Variants in ACTR3 observed in about 807,000 individuals in gnomAD.
The protein encoded by ACTR3 is actin related protein 3, also known as actin-related protein 3.
ACTR3 carries 12 observed loss-of-function variants against 56.8 expected under a neutral mutation model. That is an observed-to-expected ratio of 0.21 (90% CI 0.14 to 0.34). The LOEUF is 0.34. ACTR3 is among the 10% of genes least tolerant of loss of function. The pLI is 1.00. For missense variants in ACTR3, 282 were observed against 512.5 expected (o/e 0.55, Z 4.34); for synonymous variants, 162 against 167.4 (o/e 0.97, Z 0.25).
chr2:113,898,725 A>T lies in ACTR3; in HGVS notation c.44+8402A>T, dbSNP rs191205312. On this transcript the variant is annotated intron_variant, in intron 1 of 11. Coordinates refer to ENST00000263238, the MANE Select transcript of ACTR3 (RefSeq NM_005721.5). ...TAAAATGAATGCTCTCTTTAAAAAA[A>T]TTTTTCTTTATGGTTTCAGAGATTT... 8.6e-3 allele frequency among the ~76,000 whole-genome samples: 1,308 copies of T among 152,258 alleles called. 14 individuals carry two copies. The highest frequency in any genetic ancestry group is 0.014 in the Middle Eastern group (4 of 294).
At chr2:113,953,966 C>T (rs1440892454) in intron 10 of ACTR3, 1 of 152,166 alleles carries the variant, frequency 6.6e-6, no homozygotes, top group African/African-American at 2.4e-5. Flanking sequence ...CTGTTACATA[C>T]TCAATGTTTT....
At position 113,890,320 on chromosome 2, in the gene ACTR3, C is replaced by T; in HGVS notation, c.41C>T (p.Thr14Met). The change falls in exon 1 of 12, where the codon ACG (threonine) becomes ATG (methionine). Residue 14 changes from threonine to methionine, a missense_variant. Coordinates refer to ENST00000263238, the MANE Select transcript of ACTR3 (RefSeq NM_005721.5). ...RLPACVVDCG[T>M]GYTKLGYAGN... ...CCGGCCTGTGTGGTGGACTGTGGCA[C>T]GGGGTAAGGGGGCTTACGGGCGGGG... is the stretch of plus-strand genomic sequence containing the variant. 1 of 390,966 alleles carries T rather than the reference C, an allele frequency of 2.6e-6. No homozygotes were observed. The highest frequency in any genetic ancestry group is 4.2e-6 in the Non-Finnish European group (1 of 239,056). The allele number at this position is 390,966 out of a possible 1,614,324, so 24.2% of individuals were successfully genotyped here. A position where few individuals can be genotyped will look rare whatever the true frequency, so the allele number is the denominator to read the frequency against.
chr2:113,903,531 A>C (rs956229721), intron 1 of ACTR3, among the ~76,000 whole-genome samples: 2 of 143,850 alleles, frequency 1.4e-5, no homozygotes, highest in African/African-American at 5.6e-5. Context: ...ATGCTCTGCT[A>C]ATTGTCTTTT....
chr2:113,958,039 C>G lies in ACTR3; in HGVS notation c.*584C>G, dbSNP rs1680254933. On this transcript the variant is annotated 3_prime_UTR_variant, in exon 12 of 12. Coordinates refer to ENST00000263238, the MANE Select transcript of ACTR3 (RefSeq NM_005721.5). Reference sequence around the variant, plus strand: ...GTTTTCTTTGCAAGTGCTTTTGGAACTAAGAGCTAGTATCTTGGATTAACT... The same window carrying G: ...GTTTTCTTTGCAAGTGCTTTTGGAAGTAAGAGCTAGTATCTTGGATTAACT... 1 of 152,490 alleles carries G rather than the reference C, an allele frequency of 6.6e-6. No individual in the cohort carries two copies. The highest frequency in any genetic ancestry group is 6.5e-5 in the Admixed American group (1 of 15,276). The allele number at this position is 152,490 out of a possible 1,614,324, so 9.4% of individuals were successfully genotyped here.
chr2:113,937,759 A>G (rs1257028724), intron 6 of ACTR3, among the ~76,000 whole-genome samples: 2 of 152,132 alleles, frequency 1.3e-5, no homozygotes, highest in Non-Finnish European at 2.9e-5. Context: ...GCTGTCTTCA[A>G]GATTTTCTTT....
At chr2:113,927,312 A>AT (rs1447428706) in intron 3 of ACTR3, 33 bp from the exon 4 acceptor site, 4 of 1,384,582 alleles carry the variant, frequency 2.9e-6, no homozygotes, top group Non-Finnish European at 3.9e-6. Flanking sequence ...TATTAATAAG[A>AT]TTTAATTTGT....
rs749000190 is a variant in ACTR3, at chr2:113,913,157, T to C, written c.45-15T>C. ...AAATATTAGTGAAATCTTTATAAAT[T>C]ATTTTGTTTTGCAGGTATACAAAAC... is the stretch of plus-strand genomic sequence containing the variant. On this transcript the variant is annotated splice_polypyrimidine_tract_variant and intron_variant, in intron 1 of 11. Transcript: ENST00000263238. 3 of 1,507,398 alleles carry C rather than the reference T, an allele frequency of 2.0e-6. No homozygotes were observed. Among genetic ancestry groups the C allele is most frequent in the African/African-American group, 2.8e-5 (2 of 70,968 alleles). 93.4% of individuals were successfully genotyped at this position (1,507,398 alleles called of 1,614,324 possible).
intron 4 of ACTR3, among the ~76,000 whole-genome samples, chr2:113,928,442 G>C (rs1679658391): frequency 6.6e-6 from 1 of 152,124 alleles, no homozygotes; most frequent in Admixed American, 6.5e-5. Flanking sequence ...ATTTGTGTAT[G>C]GTTATTCTTT....
intron 1 of ACTR3, among the ~76,000 whole-genome samples, chr2:113,902,072 A>G (rs543596248): frequency 6.6e-6 from 1 of 152,338 alleles, no homozygotes; most frequent in East Asian, 1.9e-4. Context: ...TGAACATTTA[A>G]TTATACTTAC....
At chr2:113,918,916 A>G (rs1440249572) in intron 3 of ACTR3, among the ~76,000 whole-genome samples, 1 of 152,172 alleles carries the variant, frequency 6.6e-6, no homozygotes, top group Non-Finnish European at 1.5e-5. Flanking sequence ...GGCAGTGGGG[A>G]TAGAAATGGA....
intron 1 of ACTR3, among the ~76,000 whole-genome samples, chr2:113,908,717 A>G (rs1035303372): frequency 1.3e-5 from 2 of 152,118 alleles, no homozygotes; most frequent in East Asian, 1.9e-4. Context: ...CTTAATTTTT[A>G]AAGTTTGCTA....
intron 8 of ACTR3, among the ~76,000 whole-genome samples, chr2:113,945,757 A>G (rs984124550): frequency 5.3e-5 from 8 of 151,902 alleles, no homozygotes; most frequent in East Asian, 1.9e-4. Flanking sequence ...TAAGTCTAGT[A>G]TCCGTTAGCT....
chr2:113,909,593 T>G (rs1679263658), intron 1 of ACTR3, among the ~76,000 whole-genome samples: 1 of 151,092 alleles, frequency 6.6e-6, no homozygotes, highest in African/African-American at 2.4e-5. Flanking sequence ...TTTTAAGTTG[T>G]GATAAAAGTT....
chr2:113,916,864 A>G lies in ACTR3; in HGVS notation c.101-20A>G. 6.4e-7 allele frequency: 1 copy of G among 1,572,100 alleles called. No homozygotes were observed. Among genetic ancestry groups the G allele is most frequent in the South Asian group, 1.2e-5 (1 of 84,350 alleles). On this transcript the variant is annotated intron_variant, in intron 2 of 11. Transcript: ENST00000263238. ...ATTTGAGGAAAATGAATTCTTTGACATGTCTAACTTATTTTAAAGGTATTG... is the reference window on the plus strand; with the variant it reads ...ATTTGAGGAAAATGAATTCTTTGACGTGTCTAACTTATTTTAAAGGTATTG...
intron 3 of ACTR3, among the ~76,000 whole-genome samples, chr2:113,923,139 C>T (rs1387765048): frequency 6.6e-6 from 1 of 152,080 alleles, no homozygotes; most frequent in African/African-American, 2.4e-5. Flanking sequence ...TTATTCCTAC[C>T]TTCTGTCCTC....
intron 1 of ACTR3, among the ~76,000 whole-genome samples, chr2:113,907,543 A>G (rs1168042257): frequency 6.6e-6 from 1 of 152,192 alleles, no homozygotes; most frequent in Non-Finnish European, 1.5e-5. Flanking sequence ...GTGAGCCGTC[A>G]CACCCAGCTC....
intron 7 of ACTR3, among the ~76,000 whole-genome samples, chr2:113,940,384 T>G (rs1679902011): frequency 6.6e-6 from 1 of 151,598 alleles, no homozygotes; most frequent in South Asian, 2.1e-4. Context: ...TTCTCTTTAT[T>G]AAAAATAAAT....
At chr2:113,935,421 T>C (rs1430373499) in intron 6 of ACTR3, among the ~76,000 whole-genome samples, 1 of 152,248 alleles carries the variant, frequency 6.6e-6, no homozygotes, top group Non-Finnish European at 1.5e-5. Flanking sequence ...GTGTTAGATT[T>C]GCCTGTCCTG....
chr2:113,952,567 C>G (rs371173390), intron 10 of ACTR3: 1 of 151,994 alleles, frequency 6.6e-6, no homozygotes. Context: ...CTGAGACTTC[C>G]ATAATCATTC....
Sources: allele counts gnomAD v4.1 joint callset (sites outside exome capture counted in the v4.1 genomes callset), GRCh38; gene constraint gnomAD v4.1.1; transcripts MANE v1.5; gene names NCBI Gene and HGNC (gene_info 2026-07-23, HGNC 2026-07-21).